PCDHA8: variants seen among roughly 807,000 people sequenced by gnomAD.
PCDHA8 encodes protocadherin alpha-8.
PCDHA8 carries 53 observed loss-of-function variants against 61.8 expected under a neutral mutation model. That is an observed-to-expected ratio of 0.86 (90% CI 0.69 to 1.08). The LOEUF (loss-of-function observed/expected upper bound fraction) is 1.08. PCDHA8 is among the 50% of genes least tolerant of loss of function. PCDHA8 has a pLI of 0.00. For missense variants in PCDHA8, 1,293 were observed against 1,245.0 expected (o/e 1.04, Z -0.58); for synonymous variants, 618 against 556.6 (o/e 1.11, Z -1.55).
In PCDHA8 at chr5:141,009,879, A is replaced by T. The variant is rs2098415109; in HGVS notation, c.2795A>T (p.Asn932Ile). The T allele has an allele frequency of 1.2e-6, 2 of 1,613,766 alleles. No individual in the cohort carries two copies. The highest frequency in any genetic ancestry group is 3.3e-5 in the Admixed American group (2 of 59,900). Reference sequence around the variant, plus strand: ...AAAAAGAAGAAAAAGAAGAAGGGTAACAAGACCCAGGAGAAAAAAGAGAAA... The same window carrying T: ...AAAAAGAAGAAAAAGAAGAAGGGTATCAAGACCCAGGAGAAAAAAGAGAAA... The part of the protein sequence containing the change: ...TKKKKKKKKG[N>I]KTQEKKEKGN... Residue 932 changes from asparagine to isoleucine, a missense_variant, in exon 4 of 4, where the codon AAC (asparagine) becomes ATC (isoleucine). Coordinates refer to ENST00000531613, the MANE Select transcript of PCDHA8 (RefSeq NM_018911.3).
At chr5:140,966,314 G>C (rs1255868901) in intron 1 of PCDHA8, 2 of 388,054 alleles carry the variant, frequency 5.2e-6, no homozygotes, top group Middle Eastern at 6.5e-4. Flanking sequence ...GTGTTCCTGC[G>C]GTCCGCTGGG....
chr5:141,007,256 G>A (rs1412168610), intron 3 of PCDHA8, among the ~76,000 whole-genome samples: 1 of 152,034 alleles, frequency 6.6e-6, no homozygotes, highest in Non-Finnish European at 1.5e-5. Flanking sequence ...CAAGTTAAAA[G>A]AAGCAGATAC....
Position 140,843,466 on chromosome 5 carries a change from G to T in PCDHA8, c.2145G>T (p.Leu715=). ...TATCCAGCCTGCTGGTGCTCACGCT[G>T]CTGCTGTACACTGCGCTGCGGTGCT... ...CAVSSLLVLT[L]LLYTALRCSA... Residue 715 remains leucine (L), a synonymous_variant, in exon 1 of 4, where the codon CTG becomes CTT. Coordinates refer to ENST00000531613, the MANE Select transcript of PCDHA8 (RefSeq NM_018911.3). 2 of 1,596,074 alleles carry T rather than the reference G, an allele frequency of 1.3e-6. 1 individual carries two copies.
Position 140,982,485 on chromosome 5 carries a change from C to T in PCDHA8, c.2464C>T (p.Leu822=). 1 of 1,614,100 alleles carries T rather than the reference C, an allele frequency of 6.2e-7. No homozygotes were observed. The highest frequency in any genetic ancestry group is 8.5e-7 in the Non-Finnish European group (1 of 1,180,004). The part of the protein sequence containing the change: ...LRAGMHSSVH[L]EEAGILRAGP... ...TGTGTGTTTATTCAGCTCTGTGCAC[C>T]TAGAGGAGGCTGGCATTCTACGGGC... The change falls in exon 3 of 4, where the codon CTA becomes TTA. Residue 822 remains leucine (L), a synonymous_variant. Coordinates refer to ENST00000531613, the MANE Select transcript of PCDHA8 (RefSeq NM_018911.3).
At position 140,971,724 on chromosome 5, in the gene PCDHA8, C is replaced by T. The variant is rs1489489083; in HGVS notation, c.2395-7225C>T. On this transcript the variant is annotated intron_variant, in intron 1 of 3. Coordinates refer to ENST00000531613, the MANE Select transcript of PCDHA8 (RefSeq NM_018911.3). ...CCCTGCTATATAGATATATGTATAT[C>T]ATACATATACACATACATATATCTC... 2.0e-5 allele frequency among the ~76,000 whole-genome samples: 3 copies of T among 151,776 alleles called. No homozygotes were observed. The East Asian group carries it at 5.8e-4, about 29-fold the overall frequency.
At chr5:140,913,160 G>A (rs1437493261) in intron 1 of PCDHA8, among the ~76,000 whole-genome samples, 2 of 152,274 alleles carry the variant, frequency 1.3e-5, no homozygotes, top group East Asian at 3.9e-4. Flanking sequence ...AGTAGGATTG[G>A]TATTAGTTCT....
At chr5:140,850,617 T>A in intron 1 of PCDHA8, 3 of 1,598,492 alleles carry the variant, frequency 1.9e-6, no homozygotes, top group African/African-American at 2.7e-5. Context: ...CTGCGCGGTG[T>A]CTAGCCTGTT....
chr5:140,988,411 A>T (rs2097296392), intron 3 of PCDHA8, among the ~76,000 whole-genome samples: 1 of 152,144 alleles, frequency 6.6e-6, no homozygotes, highest in Non-Finnish European at 1.5e-5. Flanking sequence ...TTCGCAGCTT[A>T]TGTAAAGAAT....
At chr5:140,928,630 G>A in intron 1 of PCDHA8, 1 of 1,614,210 alleles carries the variant, frequency 6.2e-7, no homozygotes, top group East Asian at 2.2e-5. Context: ...TGGACACTTG[G>A]TCACAAAAGT....
chr5:140,927,587 T>A, intron 1 of PCDHA8: 18 of 1,614,162 alleles, frequency 1.1e-5, no homozygotes, highest in Non-Finnish European at 1.5e-5. Context: ...AACGCGCCTG[T>A]ATTTGAGCGC....
chr5:140,882,873 G>T, intron 1 of PCDHA8: 6 of 1,614,222 alleles, frequency 3.7e-6, no homozygotes, highest in Non-Finnish European at 5.1e-6. Flanking sequence ...ACACTGGACA[G>T]AGAGGAAATT....
At position 140,877,676 on chromosome 5, in the gene PCDHA8, G is replaced by A. The variant is rs781985023; in HGVS notation, c.2394+33961G>A. ...CCCACCGTGAGCCGGTGCGCGCCGG[G>A]CAAGCCCACGCTGGTGTGCTCCAGC... On this transcript the variant is annotated intron_variant, in intron 1 of 3. Coordinates refer to ENST00000531613, the MANE Select transcript of PCDHA8 (RefSeq NM_018911.3). The A allele has an allele frequency of 8.7e-6, 14 of 1,613,488 alleles. No homozygotes were observed. The African/African-American group carries it at 1.2e-4, about 14-fold the overall frequency.
intron 1 of PCDHA8, chr5:140,868,015 G>A (rs1161077691): frequency 6.6e-6 from 1 of 152,028 alleles, no homozygotes; most frequent in African/African-American, 2.4e-5. Flanking sequence ...TTAGATTAAG[G>A]AAACCAATGT....
intron 1 of PCDHA8, among the ~76,000 whole-genome samples, chr5:140,915,554 G>A (rs1276502641): frequency 6.6e-6 from 1 of 152,036 alleles, no homozygotes; most frequent in Non-Finnish European, 1.5e-5. Context: ...ATAAGATCCA[G>A]AATGATTATC....
At chr5:140,927,447 G>A (rs1563092229) in intron 1 of PCDHA8, 7 of 1,613,982 alleles carry the variant, frequency 4.3e-6, no homozygotes, top group Non-Finnish European at 5.1e-6. Flanking sequence ...ACCCGGAGTT[G>A]GTGTTGGAGA....
At chr5:140,876,583 CT>C in intron 1 of PCDHA8, 1 of 1,614,194 alleles carries the variant, frequency 6.2e-7, no homozygotes, top group Non-Finnish European at 8.5e-7. Context: ...CGTCATTGCC[CT>C]GATTAGCGTG....
At chr5:140,885,424 A>G (rs1311599501) in intron 1 of PCDHA8, among the ~76,000 whole-genome samples, 4 of 152,148 alleles carry the variant, frequency 2.6e-5, no homozygotes, top group African/African-American at 7.2e-5. Context: ...AGTATTCCAC[A>G]GTGTAAGTGT....
intron 1 of PCDHA8, among the ~76,000 whole-genome samples, chr5:140,910,545 A>T (rs551984797): frequency 1.3e-5 from 2 of 152,316 alleles, no homozygotes; most frequent in East Asian, 1.9e-4. Context: ...TCTATTTTGC[A>T]AAGTATTAGT....
chr5:140,865,961 T>C (rs1314413159), intron 1 of PCDHA8: 9 of 152,210 alleles, frequency 5.9e-5, no homozygotes, highest in Admixed American at 5.9e-4. Context: ...ATTAATTTTG[T>C]ACAATGTGTG....
Sources: gnomAD v4.1 joint callset for allele counts (sites outside exome capture counted in the v4.1 genomes callset) on GRCh38, gnomAD v4.1.1 for gene constraint, MANE v1.5 for transcripts, NCBI Gene and HGNC (gene_info 2026-07-23, HGNC 2026-07-21) for gene names.